Variants in TULP3 observed in about 807,000 individuals in gnomAD.
The protein encoded by TULP3 is tubby-related protein 3.
Under a neutral mutation model 50.7 loss-of-function variants are expected in TULP3, and 38 were observed. That is an observed-to-expected ratio of 0.75 (90% CI 0.58 to 0.98). The LOEUF is 0.98. Ranked by LOEUF, TULP3 falls within the 50% of genes least tolerant of loss-of-function variation. The probability of loss-of-function intolerance (pLI) is 0.00; values close to 1 mark genes in which losing one functional copy is unlikely to be tolerated. For synonymous variants in TULP3, 183 were observed against 196.6 expected (o/e 0.93, Z 0.58); for missense variants, 550 against 568.0 (o/e 0.97, Z 0.32).
chr12:2,940,160 C>G lies in TULP3; in HGVS notation c.*716C>G. ...CTAGAGGTGACTCAGTCAGGACTGA[C>G]AGTAATGTGATAATTGCCTTCATTT... On this transcript the variant is annotated 3_prime_UTR_variant, in exon 11 of 11. Transcript: ENST00000448120. The G allele has an allele frequency of 1.5e-6, 2 of 1,300,544 alleles. No homozygotes were observed. Among genetic ancestry groups the G allele is most frequent in the Non-Finnish European group, 2.0e-6 (2 of 996,776 alleles). The allele number at this position is 1,300,544 out of a possible 1,614,324, so 80.6% of individuals were successfully genotyped here. A position where few individuals can be genotyped will look rare whatever the true frequency, so the allele number is the denominator to read the frequency against.
intron 1 of TULP3, among the ~76,000 whole-genome samples, chr12:2,897,924 C>G (rs1389519266): frequency 3.3e-5 from 5 of 151,090 alleles, no homozygotes; most frequent in African/African-American, 1.2e-4. Context: ...ACTAAAAATA[C>G]AAAATTAGCC....
intron 8 of TULP3, among the ~76,000 whole-genome samples, chr12:2,937,200 ATTTTTTTTT>A (rs771074689): frequency 2.9e-4 from 16 of 54,466 alleles, no homozygotes; most frequent in South Asian, 2.4e-3. Context: ...GGTACACCTG[ATTTTTTTTT>A]TTTTTTTTTT....
At chr12:2,929,260 T>C (rs1455101955) in intron 4 of TULP3, among the ~76,000 whole-genome samples, 1 of 151,514 alleles carries the variant, frequency 6.6e-6, no homozygotes, top group African/African-American at 2.4e-5. Context: ...GAGCTTGCAG[T>C]GAGTCGAGAT....
At chr12:2,936,373 A>T (rs145456732) in intron 8 of TULP3, among the ~76,000 whole-genome samples, 56 of 152,234 alleles carry the variant, frequency 3.7e-4, no homozygotes, top group African/African-American at 1.3e-3. Flanking sequence ...ATATAGTGCT[A>T]TGCCCTCACT....
intron 1 of TULP3, among the ~76,000 whole-genome samples, chr12:2,893,861 C>G (rs1359880929): frequency 6.7e-6 from 1 of 149,016 alleles, no homozygotes; most frequent in African/African-American, 2.5e-5. Flanking sequence ...CCAGGATGGT[C>G]TTGAAGTCCT....
intron 4 of TULP3, among the ~76,000 whole-genome samples, chr12:2,922,929 C>T (rs1216927945): frequency 6.6e-6 from 1 of 151,158 alleles, no homozygotes; most frequent in Non-Finnish European, 1.5e-5. Flanking sequence ...TCTCGGCTCA[C>T]TGCAAGCTCC....
chr12:2,899,898 AAAAACAAAC>A (rs1565496741), intron 1 of TULP3, among the ~76,000 whole-genome samples: 1 of 48,024 alleles, frequency 2.1e-5, no homozygotes, highest in Non-Finnish European at 3.9e-5. Flanking sequence ...GTCTCAAAAA[AAAAACAAAC>A]AAAAAAAAAA....
At chr12:2,921,301 G>A (rs545604037) in intron 3 of TULP3, among the ~76,000 whole-genome samples, 32 of 152,138 alleles carry the variant, frequency 2.1e-4, no homozygotes, top group African/African-American at 6.3e-4. Context: ...CACCATGCCC[G>A]GCTAATTTTT....
chr12:2,931,950 C>T (rs1392735549), intron 6 of TULP3, among the ~76,000 whole-genome samples: 2 of 152,256 alleles, frequency 1.3e-5, no homozygotes, highest in African/African-American at 2.4e-5. Flanking sequence ...TAGGGAGTGA[C>T]TTACCTACCC....
At chr12:2,930,665 C>T (rs1591536605) in intron 5 of TULP3, among the ~76,000 whole-genome samples, 1 of 151,964 alleles carries the variant, frequency 6.6e-6, no homozygotes, top group African/African-American at 2.4e-5. Context: ...CCTCGTGATC[C>T]GCCCGCCTCA....
intron 2 of TULP3, among the ~76,000 whole-genome samples, chr12:2,917,476 A>G (rs2098189264): frequency 6.6e-6 from 1 of 151,534 alleles, no homozygotes; most frequent in Non-Finnish European, 1.5e-5. Context: ...TGTCTCAAAA[A>G]AAAAAAAAGA....
intron 1 of TULP3, among the ~76,000 whole-genome samples, chr12:2,893,129 C>G (rs992380631): frequency 1.4e-4 from 22 of 152,094 alleles, no homozygotes; most frequent in Non-Finnish European, 2.8e-4. Flanking sequence ...TCCAAAACTT[C>G]TGGGATTACA....
intron 1 of TULP3, among the ~76,000 whole-genome samples, chr12:2,900,693 G>C (rs2098178630): frequency 8.4e-6 from 1 of 118,786 alleles, no homozygotes; most frequent in South Asian, 2.6e-4. Flanking sequence ...AGACCTTGCA[G>C]ATACTTTTTT....
chr12:2,895,707 TTAA>T (rs1341479264), intron 1 of TULP3, among the ~76,000 whole-genome samples: 4 of 152,220 alleles, frequency 2.6e-5, no homozygotes, highest in East Asian at 1.9e-4. Context: ...TATTTGCCAC[TTAA>T]TGATGGGGAT....
chr12:2,940,082 G>A lies in TULP3; in HGVS notation c.*638G>A, dbSNP rs1055523943. Reference sequence around the variant, plus strand: ...TGTGATCACATTTGTGATCAATTATGTGAGAATTTTATATAATTGTCTTCA... The same window carrying A: ...TGTGATCACATTTGTGATCAATTATATGAGAATTTTATATAATTGTCTTCA... On this transcript the variant is annotated 3_prime_UTR_variant, in exon 11 of 11. Coordinates refer to ENST00000448120, the MANE Select transcript of TULP3 (RefSeq NM_003324.5). 3 of 1,289,446 alleles carry A rather than the reference G, an allele frequency of 2.3e-6. No individual in the cohort carries two copies. The highest frequency in any genetic ancestry group is 2.3e-5 in the Admixed American group (1 of 43,528). 79.9% of individuals were successfully genotyped at this position (1,289,446 alleles called of 1,614,324 possible). A position where few individuals can be genotyped will look rare whatever the true frequency, so the allele number is the denominator to read the frequency against.
At position 2,939,868 on chromosome 12, in the gene TULP3, C is replaced by G. The variant is rs2098203685; in HGVS notation, c.*424C>G. On this transcript the variant is annotated 3_prime_UTR_variant, in exon 11 of 11. Coordinates refer to ENST00000448120, the MANE Select transcript of TULP3 (RefSeq NM_003324.5). This position sits in a 1 kb window ranked among gnomAD's most constrained non-coding sequence, Gnocchi z 4.0. The stretch of plus-strand genomic sequence containing the variant: ...GTTTCATAGACTTGGTGAGGGATCA[C>G]AGCTTAGCATGGGTGAGAGATGATT... The G allele has an allele frequency of 8.3e-7, 1 of 1,208,778 alleles. No individual in the cohort carries two copies. Among genetic ancestry groups the G allele is most frequent in the South Asian group, 1.5e-5 (1 of 67,030 alleles). The allele number at this position is 1,208,778 out of a possible 1,614,324, so 74.9% of individuals were successfully genotyped here. A position where few individuals can be genotyped will look rare whatever the true frequency, so the allele number is the denominator to read the frequency against.
chr12:2,917,051 C>T (rs2098189056), intron 2 of TULP3, among the ~76,000 whole-genome samples: 1 of 152,006 alleles, frequency 6.6e-6, no homozygotes, highest in African/African-American at 2.4e-5. Context: ...TAACCAGGTC[C>T]TTTGGCACAA....
chr12:2,911,765 G>T (rs2098185805), intron 2 of TULP3, among the ~76,000 whole-genome samples: 1 of 135,446 alleles, frequency 7.4e-6, no homozygotes, highest in South Asian at 2.4e-4. Context: ...ATGCCTAGGA[G>T]TTTCAAAGGA....
At chr12:2,912,325 G>A (rs2098186142) in intron 2 of TULP3, among the ~76,000 whole-genome samples, 1 of 152,206 alleles carries the variant, frequency 6.6e-6, no homozygotes, top group South Asian at 2.1e-4. Flanking sequence ...GAGGCATATT[G>A]AGGAAGGGCA....
Sources: allele counts gnomAD v4.1 joint callset (sites outside exome capture counted in the v4.1 genomes callset), GRCh38; gene constraint gnomAD v4.1.1; non-coding constraint Gnocchi (gnomAD v3.1); transcripts MANE v1.5; gene names NCBI Gene and HGNC (gene_info 2026-07-23, HGNC 2026-07-21).